Variants in MCC observed in about 807,000 individuals in gnomAD.
MCC encodes MCC regulator of Wnt signaling pathway, also known as colorectal mutant cancer protein.
Under a neutral mutation model 116.2 loss-of-function variants are expected in MCC, and 90 were observed. That is an observed-to-expected ratio of 0.77 (90% confidence interval 0.65 to 0.92). The LOEUF (loss-of-function observed/expected upper bound fraction) is 0.92. Ranked by LOEUF, MCC falls within the 40% of genes least tolerant of loss-of-function variation. The pLI, the probability that MCC is intolerant of heterozygous loss-of-function variation, is 0.00. For synonymous variants in MCC, 578 were observed against 510.5 expected, an observed-to-expected ratio of 1.13 and a Z score of -1.78; for missense variants, 1,516 against 1,312.2, an observed-to-expected ratio of 1.16 and a Z score of -2.40.
intron 3 of MCC, among the ~76,000 whole-genome samples, chr5:113,285,737 C>G (rs755297995): frequency 1.3e-5 from 2 of 152,170 alleles, no homozygotes; most frequent in Non-Finnish European, 2.9e-5. Context: ...TCCTTTACAG[C>G]ACATATCACC....
chr5:113,085,128 T>TG, intron 9 of MCC, 36 bp downstream of exon 9: 3 of 1,613,166 alleles, frequency 1.9e-6, no homozygotes, highest in Non-Finnish European at 2.5e-6. Context: ...TAACAGGAGG[T>TG]GTTCCCGCTC....
At chr5:113,075,722 C>A (rs548793266) in intron 11 of MCC, among the ~76,000 whole-genome samples, 1 of 152,142 alleles carries the variant, frequency 6.6e-6, no homozygotes, top group African/African-American at 2.4e-5. Flanking sequence ...GCAGGCTGCC[C>A]GAGCCAGCAG....
intron 2 of MCC, among the ~76,000 whole-genome samples, chr5:113,343,609 G>A (rs566511278): frequency 6.6e-6 from 1 of 152,288 alleles, no homozygotes; most frequent in East Asian, 1.9e-4. Flanking sequence ...AACAGACAGA[G>A]GGCTGGGCCT....
chr5:113,471,780 C>A (rs1375480095), intron 1 of MCC, among the ~76,000 whole-genome samples: 1 of 75,154 alleles, frequency 1.3e-5, no homozygotes, highest in African/African-American at 4.6e-5. Context: ...GCAGGCAGGC[C>A]TCCTTGAGCT....
chr5:113,266,444 G>A (rs1765421234), intron 3 of MCC, among the ~76,000 whole-genome samples: 1 of 152,180 alleles, frequency 6.6e-6, no homozygotes, highest in Admixed American at 6.5e-5. Context: ...CTTGGGAGTT[G>A]GCAGTTCTTG....
chr5:113,192,783 C>T (rs1422178998), intron 3 of MCC, among the ~76,000 whole-genome samples: 1 of 152,218 alleles, frequency 6.6e-6, no homozygotes, highest in African/African-American at 2.4e-5. Flanking sequence ...AGAGATGACA[C>T]ATGCAAAGCA....
chr5:113,255,499 T>G (rs1764971597), intron 3 of MCC, among the ~76,000 whole-genome samples: 1 of 152,212 alleles, frequency 6.6e-6, no homozygotes, highest in Non-Finnish European at 1.5e-5. Flanking sequence ...AACACATTCC[T>G]TAACTGAAAC....
At chr5:113,036,313 C>T (rs905509084) in intron 17 of MCC, among the ~76,000 whole-genome samples, 5 of 152,146 alleles carry the variant, frequency 3.3e-5, no homozygotes, top group Non-Finnish European at 7.3e-5. Context: ...ACTAGGATTA[C>T]AGGCGTGAGC....
intron 2 of MCC, among the ~76,000 whole-genome samples, chr5:113,359,567 C>T (rs142345923): frequency 1.1e-3 from 161 of 152,320 alleles, no homozygotes; most frequent in African/African-American, 3.6e-3. Flanking sequence ...TGCCCTTGGG[C>T]AGTTAATAAT....
chr5:113,130,832 C>G (rs565948107), intron 5 of MCC, among the ~76,000 whole-genome samples: 2 of 152,292 alleles, frequency 1.3e-5, no homozygotes, highest in South Asian at 4.2e-4. Context: ...CTTGTACAGC[C>G]TGCAGAACTG....
At chr5:113,151,707 T>C (rs940443892) in intron 3 of MCC, among the ~76,000 whole-genome samples, 1 of 152,170 alleles carries the variant, frequency 6.6e-6, no homozygotes, top group Non-Finnish European at 1.5e-5. Context: ...CCAATGGCTT[T>C]CCCCAAGCTA....
chr5:113,223,179 A>G (rs1763614510), intron 3 of MCC, among the ~76,000 whole-genome samples: 1 of 152,212 alleles, frequency 6.6e-6, no homozygotes, highest in South Asian at 2.1e-4. Context: ...AGAGGCAGGC[A>G]GGAGATTTAT....
At chr5:113,263,795 C>T (rs567886155) in intron 3 of MCC, among the ~76,000 whole-genome samples, 1 of 152,120 alleles carries the variant, frequency 6.6e-6, no homozygotes, top group Admixed American at 6.5e-5. Flanking sequence ...TGGCAGAAAG[C>T]AGCTGGACTC....
At chr5:113,289,601 CA>C (rs1766407113) in intron 3 of MCC, among the ~76,000 whole-genome samples, 1 of 152,078 alleles carries the variant, frequency 6.6e-6, no homozygotes, top group Non-Finnish European at 1.5e-5. Context: ...TCTCGGAACC[CA>C]GCTGCCATGC....
chr5:113,035,791 G>A (rs368448988), intron 17 of MCC, among the ~76,000 whole-genome samples: 128 of 152,074 alleles, frequency 8.4e-4, no homozygotes, highest in African/African-American at 3.0e-3. Context: ...ATTATTCATT[G>A]CAAACTAAAG....
chr5:113,322,339 A>G (rs959502922), intron 3 of MCC, among the ~76,000 whole-genome samples: 1 of 152,192 alleles, frequency 6.6e-6, no homozygotes, highest in Non-Finnish European at 1.5e-5. Context: ...GCTGTACTAT[A>G]ATTTTATTTT....
At chr5:113,387,185 C>G (rs918801087) in intron 1 of MCC, among the ~76,000 whole-genome samples, 2 of 152,164 alleles carry the variant, frequency 1.3e-5, no homozygotes, top group Non-Finnish European at 2.9e-5. Flanking sequence ...TCTGAAGACT[C>G]ATAGCTTAAG....
chr5:113,370,677 A>C (rs1004547022), intron 2 of MCC, among the ~76,000 whole-genome samples: 1 of 152,240 alleles, frequency 6.6e-6, no homozygotes, highest in Non-Finnish European at 1.5e-5. Context: ...CTTAAAAATC[A>C]CTTAAAATTT....
chr5:113,101,608 C>T, intron 8 of MCC, 131 bp downstream of exon 8: 1 of 864,788 alleles, frequency 1.2e-6, no homozygotes, highest in Non-Finnish European at 1.8e-6. Context: ...GACTTCATAA[C>T]AGGAAAGAGA....
Sources: gnomAD v4.1 joint callset for allele counts (sites outside exome capture counted in the v4.1 genomes callset) on GRCh38, gnomAD v4.1.1 for gene constraint, MANE v1.5 for transcripts, NCBI Gene and HGNC (gene_info 2026-07-23, HGNC 2026-07-21) for gene names.